Variants in ZYG11A observed in about 807,000 individuals in gnomAD.
The protein encoded by ZYG11A is protein zyg-11 homolog A.
A neutral mutation model predicts 77.2 loss-of-function variants in ZYG11A; 62 were observed. The observed-to-expected ratio is 0.80, with a 90% CI of 0.65 to 0.99. The LOEUF (loss-of-function observed/expected upper bound fraction) is 0.99. ZYG11A is among the 50% of genes least tolerant of loss of function. The pLI, the probability that ZYG11A is intolerant of heterozygous loss-of-function variation, is 0.00. For missense variants in ZYG11A, 828 were observed against 896.8 expected (o/e 0.92, Z 0.98); for synonymous variants, 315 against 324.6 (o/e 0.97, Z 0.32).
intron 1 of ZYG11A, among the ~76,000 whole-genome samples, chr1:52,851,654 C>T (rs1434794741): frequency 1.3e-5 from 2 of 152,064 alleles, no homozygotes; most frequent in African/African-American, 2.4e-5. Context: ...TCTGCCTCTG[C>T]CTCCCAAAGT....
chr1:52,886,594 C>T (rs574446872), intron 12 of ZYG11A, among the ~76,000 whole-genome samples: 2 of 150,534 alleles, frequency 1.3e-5, no homozygotes, highest in South Asian at 2.1e-4. Context: ...AATGCAGTGG[C>T]GGGATCACAT....
At position 52,866,576 on chromosome 1, in the gene ZYG11A, A is replaced by G; in HGVS notation, c.1391+9A>G. ...GATGTTCCATTTGACAGGCAAGTAT[A>G]AGACTTGGTCATTTGACTGGGGTGT... On this transcript the variant is annotated intron_variant, in intron 6 of 13. Coordinates refer to ENST00000371528, the MANE Select transcript of ZYG11A (RefSeq NM_001004339.3). 1 of 1,524,450 alleles carries G rather than the reference A, an allele frequency of 6.6e-7. No individual in the cohort carries two copies. Among genetic ancestry groups the G allele is most frequent in the Non-Finnish European group, 8.9e-7 (1 of 1,123,106 alleles). 94.4% of individuals were successfully genotyped at this position (1,524,450 alleles called of 1,614,324 possible).
chr1:52,843,289 C>G (rs1645489163), intron 1 of ZYG11A, among the ~76,000 whole-genome samples: 1 of 152,194 alleles, frequency 6.6e-6, no homozygotes, highest in Admixed American at 6.5e-5. Context: ...ATTCCTCGCC[C>G]CAGTGCGGGC....
chr1:52,852,814 C>A (rs1264048667), intron 1 of ZYG11A, among the ~76,000 whole-genome samples: 1 of 152,114 alleles, frequency 6.6e-6, no homozygotes, highest in Non-Finnish European at 1.5e-5. Context: ...CTTAAATGTG[C>A]TCAGAACTCT....
chr1:52,862,910 A>C (rs1276674411), intron 4 of ZYG11A, among the ~76,000 whole-genome samples: 1 of 152,190 alleles, frequency 6.6e-6, no homozygotes, highest in Non-Finnish European at 1.5e-5. Context: ...CAGCCTCCTG[A>C]GTAGCTGGAA....
At chr1:52,872,009 G>T (rs1404746956) in intron 8 of ZYG11A, among the ~76,000 whole-genome samples, 4 of 152,268 alleles carry the variant, frequency 2.6e-5, no homozygotes, top group African/African-American at 9.6e-5. Flanking sequence ...CAAGTATTAG[G>T]TTTATTTTGT....
chr1:52,862,188 G>T (rs146162652), intron 4 of ZYG11A, among the ~76,000 whole-genome samples: 4 of 151,176 alleles, frequency 2.6e-5, no homozygotes, highest in Non-Finnish European at 5.9e-5. Flanking sequence ...CAGCCTGGGC[G>T]ACAGAGCAAG....
rs1646598832 is a variant in ZYG11A at position 52,894,945 on chromosome 1, A to G, written c.*1988A>G. On this transcript the variant is annotated 3_prime_UTR_variant, in exon 14 of 14. Coordinates refer to ENST00000371528, the MANE Select transcript of ZYG11A (RefSeq NM_001004339.3). Reference sequence around the variant, plus strand: ...CCTTTCAAGTTCTGTGTCATTCACAACAATCCTCACGGGTAGGTGAGTTTT... The same window carrying G: ...CCTTTCAAGTTCTGTGTCATTCACAGCAATCCTCACGGGTAGGTGAGTTTT... 6.6e-6 allele frequency: 1 copy of G among 152,226 alleles called. No individual in the cohort carries two copies. The highest frequency in any genetic ancestry group is 1.5e-5 in the Non-Finnish European group (1 of 68,046). The allele number at this position is 152,226 out of a possible 1,614,324, so 9.4% of individuals were successfully genotyped here.
rs1218759654 is a variant in ZYG11A at position 52,864,060 on chromosome 1, C to G, written c.1229C>G (p.Thr410Arg). 1 of 1,551,876 alleles carries G rather than the reference C, an allele frequency of 6.4e-7. No homozygotes were observed. ...GCCAGTGCTTGCGCTCTCAACCTAA[C>G]ACGCCAGGGCCTGGCCAAGGGGATG... is the stretch of plus-strand genomic sequence containing the variant. ...FTASACALNL[T>R]RQGLAKGMPV... is the part of the protein sequence containing the mutation. Residue 410 changes from threonine (T) to arginine (R), a missense_variant, in exon 5 of 14, where the codon ACA (threonine) becomes AGA (arginine). Transcript: ENST00000371528.
intron 8 of ZYG11A, among the ~76,000 whole-genome samples, chr1:52,872,954 A>C (rs1646197107): frequency 6.6e-6 from 1 of 152,060 alleles, no homozygotes; most frequent in Non-Finnish European, 1.5e-5. Context: ...GAGCTGCCAT[A>C]GGTAGGAATT....
At chr1:52,854,441 T>A in intron 1 of ZYG11A, 24 bp from the exon 2 acceptor site, 1 of 1,517,072 alleles carries the variant, frequency 6.6e-7, no homozygotes, top group Non-Finnish European at 8.9e-7. Context: ...TCTAACAAAG[T>A]TTGTTTGGGG....
At chr1:52,884,735 A>G (rs1245176360) in intron 11 of ZYG11A, among the ~76,000 whole-genome samples, 1 of 152,136 alleles carries the variant, frequency 6.6e-6, no homozygotes, top group Non-Finnish European at 1.5e-5. Flanking sequence ...AGGGGATCTC[A>G]ACATTTAGTA....
intron 2 of ZYG11A, among the ~76,000 whole-genome samples, chr1:52,856,337 G>A (rs966582292): frequency 3.3e-5 from 5 of 151,728 alleles, no homozygotes; most frequent in African/African-American, 1.2e-4. Flanking sequence ...CAGGTGCAGT[G>A]CCTGTAGTCC....
intron 1 of ZYG11A, among the ~76,000 whole-genome samples, chr1:52,850,340 A>G (rs940000810): frequency 1.4e-5 from 2 of 138,982 alleles, no homozygotes; most frequent in Non-Finnish European, 1.5e-5. Flanking sequence ...TTTTTTTGAG[A>G]TGGAGTCTCA....
intron 1 of ZYG11A, among the ~76,000 whole-genome samples, chr1:52,852,749 G>T (rs1293404245): frequency 6.6e-6 from 1 of 152,150 alleles, no homozygotes; most frequent in African/African-American, 2.4e-5. Flanking sequence ...AATATTCTAA[G>T]TTCAAAATGC....
At chr1:52,869,898 C>T (rs1361090763) in intron 8 of ZYG11A, among the ~76,000 whole-genome samples, 56 of 83,730 alleles carry the variant, frequency 6.7e-4, no homozygotes, top group South Asian at 1.2e-3. Context: ...GGCGGCTGGC[C>T]GGGCAGGGGG....
Position 52,886,994 on chromosome 1 carries a change from C to T in ZYG11A, c.2045C>T (p.Ser682Phe), listed in dbSNP as rs376132171. The T allele has an allele frequency of 3.2e-6, 5 of 1,550,490 alleles. No individual in the cohort carries two copies. In the African/African-American group the frequency reaches 4.1e-5, roughly 13 times the overall value. ...TTTTTCCCGCTCCTTGGCAACTTCT[C>T]TCAACCAGAGGTTCAGCTCTGGGCA... is the stretch of plus-strand genomic sequence containing the variant. ...KTFFPLLGNF[S>F]QPEVQLWALW... The change falls in exon 13 of 14, where the codon TCT becomes TTT. Residue 682 changes from serine (S) to phenylalanine (F), a missense_variant. Ser to Phe is a radical substitution (Grantham distance 155). Coordinates refer to ENST00000371528, the MANE Select transcript of ZYG11A (RefSeq NM_001004339.3).
In ZYG11A at chr1:52,845,997, T is replaced by C. The variant is rs76445011; in HGVS notation, c.90+3024T>C. On this transcript the variant is annotated intron_variant, in intron 1 of 13. Coordinates refer to ENST00000371528, the MANE Select transcript of ZYG11A (RefSeq NM_001004339.3). ...ATTAGAATAAATATAATTATCAGTA[T>C]TGTTGGGGTTAAGTCTACTGTGTTG... 1.6e-4 allele frequency among the ~76,000 whole-genome samples: 24 copies of C among 152,112 alleles called. No homozygotes were observed. In the East Asian group the frequency reaches 4.6e-3, roughly 29 times the overall value.
chr1:52,864,031 C>T lies in ZYG11A; in HGVS notation c.1200C>T (p.Phe400=). The stretch of plus-strand genomic sequence containing the variant: ...ACCCATTGGATTTGCGAGTGCAGTT[C>T]ACAGCCAGTGCTTGCGCTCTCAACC... ...RNHPLDLRVQ[F]TASACALNLT... The change falls in exon 5 of 14, where the codon TTC becomes TTT. Residue 400 remains phenylalanine, a synonymous_variant. Transcript: ENST00000371528. 6.4e-7 allele frequency: 1 copy of T among 1,551,748 alleles called. No individual in the cohort carries two copies. Among genetic ancestry groups the T allele is most frequent in the South Asian group, 1.2e-5 (1 of 84,052 alleles).
Sources: gnomAD v4.1 joint callset for allele counts (sites outside exome capture counted in the v4.1 genomes callset) on GRCh38, gnomAD v4.1.1 for gene constraint, MANE v1.5 for transcripts, NCBI Gene and HGNC (gene_info 2026-07-23, HGNC 2026-07-21) for gene names.